Variants in ANKRD44 observed in about 807,000 individuals in gnomAD.
The protein encoded by ANKRD44 is ankyrin repeat domain 44.
A neutral mutation model predicts 116.0 loss-of-function variants in ANKRD44; 35 were observed. That is an observed-to-expected ratio of 0.30 (90% CI 0.23 to 0.40). The LOEUF (loss-of-function observed/expected upper bound fraction) is 0.40, where lower values mean the gene tolerates loss of function less well. Among genes scored for constraint, ANKRD44 ranks in the 10% least tolerant of loss-of-function variants. The probability of loss-of-function intolerance (pLI) is 1.00; values close to 1 mark genes in which losing one functional copy is unlikely to be tolerated. For synonymous variants in ANKRD44, 435 were observed against 461.8 expected, an observed-to-expected ratio of 0.94 and a Z score of 0.74; for missense variants, 1,014 against 1,242.6, an observed-to-expected ratio of 0.82 and a Z score of 2.77.
rs77380964 is a variant in ANKRD44 at position 197,309,143 on chromosome 2, G to A, written c.27+1435C>T. 9.9e-3 allele frequency among the ~76,000 whole-genome samples: 1,505 copies of A among 152,274 alleles called. 9 individuals carry two copies. Among genetic ancestry groups the A allele is most frequent in the African/African-American group, 0.016 (662 of 41,560 alleles). On this transcript the variant is annotated intron_variant, in intron 1 of 27. Coordinates refer to ENST00000282272, the MANE Select transcript of ANKRD44 (RefSeq NM_001195144.2). ...GGGATTAACAGACAAGTACAGCAAC[G>A]TGTACTAGCAAAGATGACAGGCCCA...
Position 196,998,974 on chromosome 2 carries a change from G to A in ANKRD44, c.2598C>T (p.Asn866=), listed in dbSNP as rs17385301. 0.045 allele frequency: 72,720 copies of A among 1,614,088 alleles called. 1,979 individuals carry two copies. Among genetic ancestry groups the A allele is most frequent in the South Asian group, 0.065 (5,919 of 91,076 alleles). ...CTGTTTTCCCTGAATTATCTACTGC[G>A]TTCACTGGAGCACTGTGTCTCAGAA... The part of the protein sequence containing the change: ...QLLLRHSAPV[N]AVDNSGKTAL... Residue 866 remains asparagine, a synonymous_variant, in exon 24 of 28, where the codon AAC becomes AAT. Transcript: ENST00000282272.
At chr2:197,214,841 G>T (rs1016541812) in intron 1 of ANKRD44, among the ~76,000 whole-genome samples, 1 of 152,086 alleles carries the variant, frequency 6.6e-6, no homozygotes, top group Non-Finnish European at 1.5e-5. Context: ...GGCCAAACTG[G>T]AATTCTGGGA....
intron 13 of ANKRD44, among the ~76,000 whole-genome samples, chr2:197,084,262 A>G (rs6434906): frequency 6.6e-6 from 1 of 152,044 alleles, no homozygotes; most frequent in African/African-American, 2.4e-5. Flanking sequence ...ATGTCCCTAC[A>G]TCCCCCCTAC....
At chr2:196,968,181 A>C (rs1000695833) in intron 21 of ANKRD44, among the ~76,000 whole-genome samples, 1 of 152,198 alleles carries the variant, frequency 6.6e-6, no homozygotes, top group African/African-American at 2.4e-5. Context: ...ATAGCAACTT[A>C]AAAGATTTAT....
rs10931780 is a variant in ANKRD44, at chr2:197,310,573, G to C, written c.27+5C>G. 0.41 allele frequency: 495,740 copies of C among 1,219,684 alleles called. 104,724 individuals carry two copies. The highest frequency in any genetic ancestry group is 0.69 in the African/African-American group (43,032 of 62,242). 75.6% of individuals were successfully genotyped at this position (1,219,684 alleles called of 1,614,324 possible). A position where few individuals can be genotyped will look rare whatever the true frequency, so the allele number is the denominator to read the frequency against. On this transcript the variant is annotated splice_donor_5th_base_variant and intron_variant, in intron 1 of 27. Coordinates refer to ENST00000282272, the MANE Select transcript of ANKRD44 (RefSeq NM_001195144.2). Reference sequence around the variant, plus strand: ...GTCCCGCCCGCCGGCGCCGCCGCCCGCTACCTGGTCGGTGAGTTTGAGCAC... The same window carrying C: ...GTCCCGCCCGCCGGCGCCGCCGCCCCCTACCTGGTCGGTGAGTTTGAGCAC...
intron 9 of ANKRD44, among the ~76,000 whole-genome samples, chr2:197,104,877 T>C (rs530715198): frequency 1.3e-5 from 2 of 152,292 alleles, no homozygotes; most frequent in African/African-American, 2.4e-5. Context: ...ACACACAGGA[T>C]TTTGGATGCT....
chr2:197,211,617 T>C (rs139643656), intron 1 of ANKRD44, among the ~76,000 whole-genome samples: 272 of 152,170 alleles, frequency 1.8e-3, no homozygotes, highest in African/African-American at 5.4e-3. Flanking sequence ...AAATTAACCA[T>C]CTGTGAAATC....
At chr2:197,074,811 A>G (rs957078459) in intron 16 of ANKRD44, among the ~76,000 whole-genome samples, 3 of 152,166 alleles carry the variant, frequency 2.0e-5, no homozygotes, top group African/African-American at 7.2e-5. Flanking sequence ...ACATATAGTT[A>G]TTCAGAGCCG....
chr2:197,087,698 C>T (rs2077958255), intron 12 of ANKRD44, among the ~76,000 whole-genome samples: 1 of 152,100 alleles, frequency 6.6e-6, no homozygotes, highest in South Asian at 2.1e-4. Context: ...CATGTAAGAA[C>T]TTTTTAAAAT....
At chr2:197,035,216 C>G (rs904572880) in intron 16 of ANKRD44, among the ~76,000 whole-genome samples, 1 of 152,106 alleles carries the variant, frequency 6.6e-6, no homozygotes, top group Non-Finnish European at 1.5e-5. Context: ...TGTGAGGGAA[C>G]ACATAAATAT....
intron 1 of ANKRD44, among the ~76,000 whole-genome samples, chr2:197,272,460 A>T (rs1222952023): frequency 3.3e-5 from 5 of 151,180 alleles, no homozygotes; most frequent in East Asian, 1.9e-4. Flanking sequence ...CTGGTCTTGA[A>T]CTCCTGACCT....
intron 2 of ANKRD44, 35 bp from the exon 3 acceptor site, chr2:197,147,140 C>T: frequency 6.3e-7 from 1 of 1,592,686 alleles, no homozygotes; most frequent in Non-Finnish European, 8.6e-7. Context: ...TACAACAGGT[C>T]AGTGGCAGCT....
chr2:196,987,250 ATT>A lies in ANKRD44; in HGVS notation c.*2339_*2340del. 1 of 985,218 alleles carries A rather than the reference ATT, an allele frequency of 1.0e-6. No individual in the cohort carries two copies. The highest frequency in any genetic ancestry group is 1.7e-5 in the African/African-American group (1 of 57,362). 61.0% of individuals were successfully genotyped at this position (985,218 alleles called of 1,614,324 possible). On this transcript the variant is annotated 3_prime_UTR_variant, in exon 28 of 28. Coordinates refer to ENST00000282272, the MANE Select transcript of ANKRD44 (RefSeq NM_001195144.2). ...AACAATTCCTATAGAAAACTTAAGC[ATT>A]TTCATATTCATTTCAATGCAAGTAC...
intron 1 of ANKRD44, among the ~76,000 whole-genome samples, chr2:197,274,006 T>TAGATATATATAG (rs2082999507): frequency 1.3e-5 from 1 of 78,014 alleles, no homozygotes; most frequent in African/African-American, 6.3e-5. Flanking sequence ...TATATATATA[T>TAGATATATATAG]ATATATATAT....
At chr2:196,984,894 C>A (rs1207901749), downstream of ANKRD44, among the ~76,000 whole-genome samples, 3 of 152,230 alleles carry the variant, frequency 2.0e-5, no homozygotes, top group Non-Finnish European at 2.9e-5. Context: ...TCCTGCTGTT[C>A]ACACCCTTGG....
intron 1 of ANKRD44, among the ~76,000 whole-genome samples, chr2:197,193,513 C>A (rs1446105667): frequency 6.6e-6 from 1 of 152,122 alleles, no homozygotes; most frequent in East Asian, 1.9e-4. Flanking sequence ...ATTATTAAAT[C>A]CAATCCATTT....
chr2:197,215,067 G>C (rs774338523), intron 1 of ANKRD44, among the ~76,000 whole-genome samples: 9 of 152,078 alleles, frequency 5.9e-5, no homozygotes, highest in Non-Finnish European at 1.3e-4. Flanking sequence ...GTAGAGACAG[G>C]GTTTTGCCAT....
intron 1 of ANKRD44, among the ~76,000 whole-genome samples, chr2:197,190,336 G>A (rs937556829): frequency 2.0e-5 from 3 of 152,166 alleles, no homozygotes; most frequent in African/African-American, 7.2e-5. Context: ...ACTGTGCCAT[G>A]TGGCTACTGA....
chr2:197,020,119 C>T (rs2076469460), intron 17 of ANKRD44, among the ~76,000 whole-genome samples: 1 of 152,036 alleles, frequency 6.6e-6, no homozygotes, highest in Non-Finnish European at 1.5e-5. Flanking sequence ...TCCGGCCACA[C>T]AAGTGATTTT....
Sources: gnomAD v4.1 joint callset for allele counts (sites outside exome capture counted in the v4.1 genomes callset) on GRCh38, gnomAD v4.1.1 for gene constraint, MANE v1.5 for transcripts, NCBI Gene and HGNC (gene_info 2026-07-23, HGNC 2026-07-21) for gene names.